The following ZNF143 variants were observed in gnomAD, a reference collection of about 807,000 sequenced individuals.
The protein encoded by ZNF143 is SPH-binding factor.
ZNF143 carries 49 observed loss-of-function variants against 74.1 expected under a neutral mutation model. That is an observed-to-expected ratio of 0.66 (90% CI 0.53 to 0.84). The LOEUF (loss-of-function observed/expected upper bound fraction) is 0.84, where lower values mean the gene tolerates loss of function less well. ZNF143 is among the 40% of genes least tolerant of loss of function. ZNF143 has a pLI of 0.00. For synonymous variants in ZNF143, 304 were observed against 282.8 expected, an observed-to-expected ratio of 1.07 and a Z score of -0.75; for missense variants, 637 against 793.4, an observed-to-expected ratio of 0.80 and a Z score of 2.37.
intron 2 of ZNF143, among the ~76,000 whole-genome samples, chr11:9,471,998 C>T (rs918395299): frequency 2.7e-5 from 4 of 150,850 alleles, no homozygotes; most frequent in Non-Finnish European, 4.4e-5. Flanking sequence ...GGTATGATCA[C>T]GGCTCACTGT....
At chr11:9,474,097 C>T in intron 4 of ZNF143, 73 bp downstream of exon 4, 2 of 1,163,322 alleles carry the variant, frequency 1.7e-6, no homozygotes, top group South Asian at 1.2e-5. Context: ...CTGCAGCTCC[C>T]TCTTACTACC....
intron 7 of ZNF143, among the ~76,000 whole-genome samples, chr11:9,488,250 GA>G (rs925556128): frequency 1.3e-5 from 2 of 152,078 alleles, no homozygotes; most frequent in African/African-American, 4.8e-5. Context: ...ACCCTGTCTT[GA>G]AAAAAATTAA....
chr11:9,486,393 TA>T (rs1349843549), intron 7 of ZNF143, among the ~76,000 whole-genome samples: 3,010 of 27,118 alleles, frequency 0.11, 366 homozygotes, highest in Non-Finnish European at 0.16. Flanking sequence ...ATATAATATA[TA>T]TAATATATTA....
intron 8 of ZNF143, 64 bp downstream of exon 8, chr11:9,494,829 A>G (rs1847904427): frequency 1.3e-6 from 2 of 1,504,690 alleles, no homozygotes; most frequent in Non-Finnish European, 1.8e-6. Context: ...TACTAAGATC[A>G]TATTTTTGTG....
chr11:9,517,347 C>T (rs1038039126), intron 14 of ZNF143, among the ~76,000 whole-genome samples: 16 of 151,820 alleles, frequency 1.1e-4, no homozygotes, highest in Admixed American at 6.6e-4. Context: ...ATGGATGTGC[C>T]GCAATTAAAG....
intron 14 of ZNF143, among the ~76,000 whole-genome samples, chr11:9,522,045 G>A (rs897625827): frequency 1.3e-4 from 18 of 136,216 alleles, no homozygotes; most frequent in Non-Finnish European, 2.3e-4. Flanking sequence ...CAGCCTGGGC[G>A]ACAGAGGGAG....
At chr11:9,486,545 G>A (rs1392038095) in intron 7 of ZNF143, among the ~76,000 whole-genome samples, 2 of 132,230 alleles carry the variant, frequency 1.5e-5, no homozygotes, top group Non-Finnish European at 3.1e-5. Context: ...GCCAAGGCCA[G>A]CAGCTCCAGT....
intron 3 of ZNF143, 115 bp downstream of exon 3, chr11:9,472,884 A>G (rs760936271): frequency 3.9e-6 from 2 of 515,718 alleles, no homozygotes; most frequent in Non-Finnish European, 6.4e-6. Context: ...TGTATTGCAT[A>G]TGATGATTTT....
chr11:9,486,446 T>TATATATATAATATATATATA (rs1472068087), intron 7 of ZNF143, among the ~76,000 whole-genome samples: 4 of 15,716 alleles, frequency 2.5e-4, no homozygotes, highest in Non-Finnish European at 8.1e-4. Context: ...TATAATATAT[T>TATATATATAATATATATATA]ATATATATTA....
chr11:9,501,164 C>G lies in ZNF143; in HGVS notation c.1041C>G (p.His347Gln). The G allele has an allele frequency of 6.2e-7, 1 of 1,614,156 alleles. No individual in the cohort carries two copies. The highest frequency in any genetic ancestry group is 1.1e-5 in the South Asian group (1 of 91,086). The change falls in exon 11 of 16, where the codon CAC (histidine) becomes CAG (glutamine). Residue 347 changes from histidine to glutamine, a missense_variant. Physicochemically the swap from His to Gln is conservative, Grantham distance 24. Around this residue, in one of 2 missense-constraint regions of ZNF143, gnomAD observed 344 missense variants for 485.6 expected, o/e 0.71. Coordinates refer to ENST00000396602, the MANE Select transcript of ZNF143 (RefSeq NM_003442.6). ...SFTTSNIRKVHVRTHTGERPY... is the reference protein window; with the variant it reads ...SFTTSNIRKVQVRTHTGERPY... ...CAACATCAAATATCAGAAAAGTGCACGTTAGGACACACACAGGAGAAAGAC... is the reference window on the plus strand; with the variant it reads ...CAACATCAAATATCAGAAAAGTGCAGGTTAGGACACACACAGGAGAAAGAC...
chr11:9,489,129 G>T (rs1405069490), intron 7 of ZNF143, among the ~76,000 whole-genome samples: 1 of 152,086 alleles, frequency 6.6e-6, no homozygotes, highest in Non-Finnish European at 1.5e-5. Context: ...CTTTCCAGAG[G>T]TTCCTTTTGT....
At chr11:9,486,351 ATTATATATATATTAT>A (rs1847476984) in intron 7 of ZNF143, among the ~76,000 whole-genome samples, 1 of 61,220 alleles carries the variant, frequency 1.6e-5, no homozygotes, top group African/African-American at 7.0e-5. Context: ...TTATATATAT[ATTATATATATATTAT>A]ATATAATATA....
chr11:9,475,201 G>C (rs907787257), intron 5 of ZNF143, among the ~76,000 whole-genome samples: 3 of 152,022 alleles, frequency 2.0e-5, no homozygotes, highest in Non-Finnish European at 4.4e-5. Context: ...AGCAGCCTTG[G>C]CTCCTTTTTT....
intron 13 of ZNF143, among the ~76,000 whole-genome samples, chr11:9,514,514 T>C (rs1344836218): frequency 6.6e-6 from 1 of 152,178 alleles, no homozygotes; most frequent in Admixed American, 6.5e-5. Context: ...GAATGAATAA[T>C]TTTTCATAAT....
At chr11:9,467,395 G>A (rs11042376) in intron 1 of ZNF143, among the ~76,000 whole-genome samples, 14,775 of 151,740 alleles carry the variant, frequency 0.097, 1,031 homozygotes, top group Non-Finnish European at 0.15. Context: ...CACCATACCC[G>A]GCTGATTTTC....
intron 7 of ZNF143, among the ~76,000 whole-genome samples, chr11:9,490,294 C>CTTTTT (rs56672880): frequency 4.3e-5 from 4 of 94,036 alleles, no homozygotes; most frequent in African/African-American, 4.2e-5. Flanking sequence ...TTTTTTTTTG[C>CTTTTT]TTTTTTTTTT....
At chr11:9,475,681 A>C (rs1248021004) in intron 5 of ZNF143, among the ~76,000 whole-genome samples, 2 of 152,164 alleles carry the variant, frequency 1.3e-5, no homozygotes, top group African/African-American at 4.8e-5. Flanking sequence ...ACCTGAGGTC[A>C]GGGGTTTGAG....
chr11:9,472,028 A>C (rs1856606681), intron 2 of ZNF143, among the ~76,000 whole-genome samples: 1 of 147,468 alleles, frequency 6.8e-6, no homozygotes, highest in African/African-American at 2.5e-5. Flanking sequence ...CTTCTGGCTT[A>C]AGACATCCTG....
chr11:9,466,964 G>A (rs890719310), intron 1 of ZNF143, among the ~76,000 whole-genome samples: 1 of 151,812 alleles, frequency 6.6e-6, no homozygotes, highest in Non-Finnish European at 1.5e-5. Flanking sequence ...CGCGATCTCG[G>A]CTCACTGCAA....
Sources: allele counts gnomAD v4.1 joint callset (sites outside exome capture counted in the v4.1 genomes callset), GRCh38; gene constraint gnomAD v4.1.1; regional missense constraint gnomAD v4.1.1; transcripts MANE v1.5; gene names NCBI Gene and HGNC (gene_info 2026-07-23, HGNC 2026-07-21).